Variants in TXNDC12 observed in about 807,000 individuals in gnomAD.
TXNDC12 encodes thioredoxin domain-containing protein 12.
In TXNDC12, 22 loss-of-function variants were observed where a neutral mutation model predicts 24.2. The observed-to-expected ratio is 0.91, with a 90% CI of 0.65 to 1.30. The LOEUF (loss-of-function observed/expected upper bound fraction) is 1.30. Ranked by LOEUF, TXNDC12 falls within the 50% of genes most tolerant of loss-of-function variation. The pLI is 0.00. For synonymous variants in TXNDC12, 58 were observed against 73.4 expected (o/e 0.79, Z 1.07); for missense variants, 184 against 205.8 (o/e 0.89, Z 0.65).
intron 2 of TXNDC12, among the ~76,000 whole-genome samples, chr1:52,034,655 G>A (rs893499314): frequency 6.6e-6 from 1 of 151,920 alleles, no homozygotes; most frequent in African/African-American, 2.4e-5. Context: ...TGTTGCTAAG[G>A]CTGGTCTCAA....
chr1:52,027,836 ATTAT>A (rs2124362280), intron 3 of TXNDC12, among the ~76,000 whole-genome samples: 1 of 150,604 alleles, frequency 6.6e-6, no homozygotes, highest in Admixed American at 6.7e-5. Context: ...CATTCCTATT[ATTAT>A]TATTATTTTT....
chr1:52,021,082 C>A, intron 6 of TXNDC12, 70 bp from the exon 7 acceptor site: 1 of 1,126,816 alleles, frequency 8.9e-7, no homozygotes, highest in South Asian at 1.3e-5. Context: ...CCAATGTACA[C>A]TTTTAAATGT....
chr1:52,047,808 G>A (rs570718833), intron 1 of TXNDC12, among the ~76,000 whole-genome samples: 1 of 152,242 alleles, frequency 6.6e-6, no homozygotes, highest in African/African-American at 2.4e-5. Context: ...CCTTATAAGT[G>A]AAGAGTGGGT....
At chr1:52,046,864 A>ATATATAT (rs1553236777) in intron 1 of TXNDC12, among the ~76,000 whole-genome samples, 2 of 34,202 alleles carry the variant, frequency 5.8e-5, no homozygotes, top group African/African-American at 7.4e-5. Context: ...AAAAAAAAAA[A>ATATATAT]AAATATATAT....
At chr1:52,028,551 GA>G in intron 3 of TXNDC12, 26 bp downstream of exon 3, 1 of 1,594,828 alleles carries the variant, frequency 6.3e-7, no homozygotes, top group Non-Finnish European at 8.6e-7. Context: ...TCTGAGTTTT[GA>G]ATTTAGATTG....
chr1:52,028,702 G>A, intron 2 of TXNDC12, 72 bp from the exon 3 acceptor site: 2 of 1,148,368 alleles, frequency 1.7e-6, no homozygotes, highest in Non-Finnish European at 1.3e-6. Context: ...AGATTAATAT[G>A]TGAAGACATT....
chr1:52,024,608 C>G, intron 4 of TXNDC12, 29 bp from the exon 5 acceptor site: 1 of 1,545,390 alleles, frequency 6.5e-7, no homozygotes, highest in Non-Finnish European at 8.9e-7. Flanking sequence ...AACCTTAAGT[C>G]AGATAACGTC....
intron 1 of TXNDC12, among the ~76,000 whole-genome samples, chr1:52,054,241 G>C (rs1686278685): frequency 6.6e-6 from 1 of 151,732 alleles, no homozygotes; most frequent in Non-Finnish European, 1.5e-5. Context: ...AAGAGGGGTT[G>C]GGATCCATGC....
At chr1:52,050,410 G>C (rs1005139073) in intron 1 of TXNDC12, among the ~76,000 whole-genome samples, 1 of 152,108 alleles carries the variant, frequency 6.6e-6, no homozygotes, top group Admixed American at 6.5e-5. Context: ...TCCCACATCA[G>C]CAACTCTTAC....
At chr1:52,042,463 A>AC (rs1210407603) in intron 1 of TXNDC12, among the ~76,000 whole-genome samples, 1 of 137,384 alleles carries the variant, frequency 7.3e-6, no homozygotes, top group Non-Finnish European at 1.6e-5. Context: ...CTATACTTTC[A>AC]CTTTTTTTTT....
At chr1:52,040,847 A>G (rs553925616) in intron 2 of TXNDC12, among the ~76,000 whole-genome samples, 31 of 151,024 alleles carry the variant, frequency 2.1e-4, no homozygotes, top group Non-Finnish European at 3.0e-4. Flanking sequence ...CCTGGCCAAC[A>G]TGGTGAAACC....
At chr1:52,035,231 T>C (rs1328697847) in intron 2 of TXNDC12, among the ~76,000 whole-genome samples, 2 of 152,298 alleles carry the variant, frequency 1.3e-5, no homozygotes, top group South Asian at 2.1e-4. Context: ...GCACATATAC[T>C]GGGGTCTTTG....
At chr1:52,026,444 C>T (rs1036686889) in intron 4 of TXNDC12, among the ~76,000 whole-genome samples, 1 of 152,194 alleles carries the variant, frequency 6.6e-6, no homozygotes, top group African/African-American at 2.4e-5. Flanking sequence ...CATAAGGAAA[C>T]AAGCAGGTTG....
chr1:52,053,452 C>G (rs1470383111), intron 1 of TXNDC12, among the ~76,000 whole-genome samples: 3 of 152,154 alleles, frequency 2.0e-5, no homozygotes, highest in African/African-American at 7.2e-5. Context: ...ATCATGAGGT[C>G]AGGAGTTTGA....
rs1447229114 is a variant in TXNDC12 at position 52,023,490 on chromosome 1, C to T, written c.439+1G>A. 3 of 1,612,580 alleles carry T rather than the reference C, an allele frequency of 1.9e-6. No individual in the cohort carries two copies. The highest frequency in any genetic ancestry group is 1.7e-6 in the Non-Finnish European group (2 of 1,178,712). On this transcript the variant is annotated splice_donor_variant, in intron 6 of 6. Transcript: ENST00000371626. LOFTEE classifies it high-confidence loss of function. ...CCTCCCTCCCTTCAGCATAACTATA[C>T]CTTGCTCGGCACTGACATAAAAATA...
chr1:52,028,607 A>G lies in TXNDC12; in HGVS notation c.182T>C (p.Ile61Thr), dbSNP rs1349162005. The change falls in exon 3 of 7, where the codon ATT becomes ACT. Residue 61 changes from isoleucine to threonine, a missense_variant. By Grantham distance (89) the Ile-to-Thr change is moderately conservative. Transcript: ENST00000371626. ...AASGLPLMVIIHKSWCGACKA... is the reference protein window; with the variant it reads ...AASGLPLMVITHKSWCGACKA... ...GCAAGCTCCACACCAGGATTTATGA[A>G]TAATCACCATCAGGGGCAGTCCACT... 1 of 1,613,096 alleles carries G rather than the reference A, an allele frequency of 6.2e-7. No homozygotes were observed. The highest frequency in any genetic ancestry group is 8.5e-7 in the Non-Finnish European group (1 of 1,179,720).
intron 1 of TXNDC12, among the ~76,000 whole-genome samples, chr1:52,049,628 G>A (rs543437585): frequency 5.3e-5 from 8 of 151,770 alleles, no homozygotes; most frequent in Non-Finnish European, 4.4e-5. Flanking sequence ...AAATTTCCTT[G>A]AGAATTCATA....
chr1:52,053,518 G>C (rs1036600224), intron 1 of TXNDC12, among the ~76,000 whole-genome samples: 2 of 151,998 alleles, frequency 1.3e-5, no homozygotes, highest in Admixed American at 6.6e-5. Context: ...CAAAAAATTA[G>C]CCAGACGTGG....
Position 52,041,537 on chromosome 1 carries a change from C to A in TXNDC12, c.158G>T (p.Ser53Ile). The A allele has an allele frequency of 1.9e-6, 3 of 1,610,066 alleles. No homozygotes were observed. The highest frequency in any genetic ancestry group is 2.5e-6 in the Non-Finnish European group (3 of 1,176,956). The change falls in exon 2 of 7, where the codon AGT becomes ATT. Residue 53 changes from serine to isoleucine, a missense_variant and splice_region_variant. By Grantham distance (142) the Ser-to-Ile change is moderately radical. Transcript: ENST00000371626. Reference protein sequence around the residue: ...LEDGKKEAAASGLPLMVIIHK... With the variant: ...LEDGKKEAAAIGLPLMVIIHK... The stretch of plus-strand genomic sequence containing the variant: ...AATGACCTAAAACCATGTCTTGTAC[C>A]TGGCAGCTGCTTCTTTCTTCCCATC...
Sources: gnomAD v4.1 joint callset for allele counts (sites outside exome capture counted in the v4.1 genomes callset) on GRCh38, gnomAD v4.1.1 for gene constraint, MANE v1.5 for transcripts, NCBI Gene and HGNC (gene_info 2026-07-23, HGNC 2026-07-21) for gene names.